Variants in C6orf52 observed in about 807,000 individuals in gnomAD.
C6orf52 encodes the protein putative uncharacterized protein C6orf52.
Under a neutral mutation model 16.6 loss-of-function variants are expected in C6orf52, and 16 were observed. The ratio of observed to expected loss-of-function variants is 0.96; its 90% CI spans 0.65 to 1.46. The LOEUF (loss-of-function observed/expected upper bound fraction) is 1.46, where lower values mean the gene tolerates loss of function less well. Among genes scored for constraint, C6orf52 ranks in the 40% most tolerant of loss-of-function variants. The pLI is 0.00. For missense variants in C6orf52, 166 were observed against 182.3 expected, an observed-to-expected ratio of 0.91 and a Z score of 0.52; for synonymous variants, 53 against 61.4, an observed-to-expected ratio of 0.86 and a Z score of 0.64.
At chr6:10,681,912 C>G (rs930217026) in intron 4 of C6orf52, among the ~76,000 whole-genome samples, 2 of 152,196 alleles carry the variant, frequency 1.3e-5, no homozygotes, top group Non-Finnish European at 2.9e-5. Flanking sequence ...AAAATTCCAT[C>G]TTTTAACACA....
At chr6:10,674,701 G>C (rs1438223681) in intron 4 of C6orf52, 1 of 145,274 alleles carries the variant, frequency 6.9e-6, no homozygotes, top group African/African-American at 2.6e-5. Flanking sequence ...GGAAAGAGTA[G>C]AACAAAAAGT....
intron 4 of C6orf52, among the ~76,000 whole-genome samples, chr6:10,679,344 G>A (rs768300254): frequency 1.0e-4 from 15 of 150,484 alleles, no homozygotes; most frequent in Non-Finnish European, 1.8e-4. Context: ...AGAGGCTAAG[G>A]CAGAAGAATC....
At chr6:10,679,773 G>A (rs972850338) in intron 4 of C6orf52, among the ~76,000 whole-genome samples, 7 of 152,060 alleles carry the variant, frequency 4.6e-5, no homozygotes, top group African/African-American at 1.7e-4. Flanking sequence ...AGTGAAAGTG[G>A]GCATCCTTAT....
At chr6:10,677,457 T>C (rs1387402511) in intron 4 of C6orf52, among the ~76,000 whole-genome samples, 1 of 134,110 alleles carries the variant, frequency 7.5e-6, no homozygotes, top group Admixed American at 7.5e-5. Context: ...GCCTTCACCC[T>C]TTTTTTTTTT....
At chr6:10,692,431 G>C (rs1048759050) in intron 1 of C6orf52, among the ~76,000 whole-genome samples, 3 of 152,056 alleles carry the variant, frequency 2.0e-5, no homozygotes, top group Admixed American at 6.6e-5. Context: ...AAGATAACTA[G>C]CACAAAGTAA....
intron 3 of C6orf52, among the ~76,000 whole-genome samples, chr6:10,686,078 T>C (rs1471961261): frequency 2.0e-5 from 3 of 152,208 alleles, no homozygotes; most frequent in African/African-American, 7.2e-5. Flanking sequence ...TTGCTCAGGC[T>C]GGAGTACAAT....
rs148176600 is a variant in C6orf52, at chr6:10,683,986, A to G, written c.271-754T>C. Among the ~76,000 whole-genome samples, 19 of 152,352 alleles carry G rather than the reference A, an allele frequency of 1.2e-4. No individual in the cohort carries two copies. The East Asian group carries it at 3.7e-3, about 29-fold the overall frequency. Reference sequence around the variant, plus strand: ...GGCACTTAATTAAGCTTCCCTTGCTAATAAGAATGAGAAGATACTGAGAGC... The same window carrying G: ...GGCACTTAATTAAGCTTCCCTTGCTGATAAGAATGAGAAGATACTGAGAGC... On this transcript the variant is annotated intron_variant, in intron 3 of 4. Coordinates refer to ENST00000259983, the MANE Select transcript of C6orf52 (RefSeq NM_001145020.3).
intron 4 of C6orf52, among the ~76,000 whole-genome samples, chr6:10,682,982 C>T (rs1768537264): frequency 6.6e-6 from 1 of 152,220 alleles, no homozygotes; most frequent in Non-Finnish European, 1.5e-5. Context: ...CTCAGTCCTT[C>T]AGAAAGGCCC....
intron 1 of C6orf52, among the ~76,000 whole-genome samples, chr6:10,691,493 A>G (rs1053529313): frequency 6.6e-6 from 1 of 152,120 alleles, no homozygotes; most frequent in African/African-American, 2.4e-5. Flanking sequence ...CAATGTCTCT[A>G]ATCTACAGAT....
chr6:10,687,140 C>T lies in C6orf52; in HGVS notation c.96G>A (p.Lys32=), dbSNP rs1768927086. 6.4e-7 allele frequency: 1 copy of T among 1,551,008 alleles called. No homozygotes were observed. The highest frequency in any genetic ancestry group is 1.2e-5 in the South Asian group (1 of 83,960). The stretch of plus-strand genomic sequence containing the variant: ...AACTCTGGCTGGGCTGGAACTCCTG[C>T]TTCACTCTAATAGCAGAGGGGAGAC... ...WQSLPSAIRV[K]QEFQPSQSYR... Residue 32 remains lysine, a synonymous_variant, in exon 3 of 5, where the codon AAG becomes AAA. Transcript: ENST00000259983.
At chr6:10,682,300 C>G (rs1353003108) in intron 4 of C6orf52, among the ~76,000 whole-genome samples, 1 of 152,190 alleles carries the variant, frequency 6.6e-6, no homozygotes, top group African/African-American at 2.4e-5. Context: ...CACACTTAAT[C>G]TGAAAGAAAT....
intron 1 of C6orf52, among the ~76,000 whole-genome samples, chr6:10,691,549 T>A (rs1769309588): frequency 6.6e-6 from 1 of 151,858 alleles, no homozygotes; most frequent in Non-Finnish European, 1.5e-5. Flanking sequence ...AGGCCCAGAG[T>A]GTGGTGCCGA....
At chr6:10,691,201 T>C (rs1324341002) in intron 1 of C6orf52, among the ~76,000 whole-genome samples, 2 of 152,268 alleles carry the variant, frequency 1.3e-5, no homozygotes, top group African/African-American at 4.8e-5. Flanking sequence ...AAACAGTACT[T>C]AAATTGTAGC....
chr6:10,689,370 G>A (rs1004840259), intron 1 of C6orf52, among the ~76,000 whole-genome samples: 1 of 152,224 alleles, frequency 6.6e-6, no homozygotes, highest in African/African-American at 2.4e-5. Flanking sequence ...ACTGGCATTG[G>A]TGATGTACTG....
intron 4 of C6orf52, among the ~76,000 whole-genome samples, chr6:10,672,364 T>C (rs6919114): frequency 0.14 from 20,643 of 152,172 alleles, 4,285 homozygotes; most frequent in African/African-American, 0.45. Flanking sequence ...ATCTGTATGC[T>C]TATTAGGGAC....
chr6:10,685,192 A>T (rs1768758720), intron 3 of C6orf52, among the ~76,000 whole-genome samples: 1 of 151,900 alleles, frequency 6.6e-6, no homozygotes, highest in African/African-American at 2.4e-5. Flanking sequence ...ATATAAGGGT[A>T]ACCACCAAAA....
In C6orf52 at chr6:10,671,526, G is replaced by A. The variant is rs1347503461; in HGVS notation, c.389C>T (p.Ser130Phe). ...FMVKSEELYD[S>F]LMNCHWQPLD... ...AGGCTGCCAGTGGCAATTCATGAGG[G>A]AGTCGTAGAGTTCTTCACTTTTCAC... Residue 130 changes from serine to phenylalanine, a missense_variant, in exon 5 of 5, where the codon TCC becomes TTC. Ser to Phe is a radical substitution (Grantham distance 155, BLOSUM62 -2). Transcript: ENST00000259983. 6.5e-7 allele frequency: 1 copy of A among 1,547,934 alleles called. No homozygotes were observed. Among genetic ancestry groups the A allele is most frequent in the Admixed American group, 2.0e-5 (1 of 50,880 alleles).
At position 10,694,616 on chromosome 6, in the gene C6orf52, C is replaced by T. The variant is rs1046744751; in HGVS notation, c.-134G>A. 2 of 199,590 alleles carry T rather than the reference C, an allele frequency of 1.0e-5. No homozygotes were observed. The highest frequency in any genetic ancestry group is 1.4e-4 in the East Asian group (1 of 7,346). The allele number at this position is 199,590 out of a possible 1,614,324, so 12.4% of individuals were successfully genotyped here. On this transcript the variant is annotated 5_prime_UTR_variant, in exon 1 of 5. Coordinates refer to ENST00000259983, the MANE Select transcript of C6orf52 (RefSeq NM_001145020.3). ...AGCCCCTAAGCAACCGGCCGGAAGTCGGCCCCACCTCCTCCTGATGTCACG... is the reference window on the plus strand; with the variant it reads ...AGCCCCTAAGCAACCGGCCGGAAGTTGGCCCCACCTCCTCCTGATGTCACG...
chr6:10,694,104 T>C (rs1769615310), intron 1 of C6orf52, among the ~76,000 whole-genome samples: 1 of 151,558 alleles, frequency 6.6e-6, no homozygotes, highest in African/African-American at 2.4e-5. Flanking sequence ...TACTAAAAAA[T>C]ACAAAATTAG....
Sources: allele counts gnomAD v4.1 joint callset (sites outside exome capture counted in the v4.1 genomes callset), GRCh38; gene constraint gnomAD v4.1.1; transcripts MANE v1.5; gene names NCBI Gene and HGNC (gene_info 2026-07-23, HGNC 2026-07-21).